The following CHMP3 variants were observed in gnomAD, a reference collection of about 807,000 sequenced individuals.
CHMP3 encodes the protein 25.1 protein.
Under a neutral mutation model 27.4 loss-of-function variants are expected in CHMP3, and 8 were observed. That is an observed-to-expected ratio of 0.29 (90% confidence interval 0.17 to 0.53). The LOEUF is 0.53. Among genes scored for constraint, CHMP3 ranks in the 20% least tolerant of loss-of-function variants. CHMP3 has a pLI of 0.96. For missense variants in CHMP3, 208 were observed against 271.5 expected, an observed-to-expected ratio of 0.77 and a Z score of 1.64; for synonymous variants, 86 against 85.5, an observed-to-expected ratio of 1.01 and a Z score of -0.03.
At position 86,551,128 on chromosome 2, in the gene CHMP3, ATCT is replaced by A. The variant is rs574373554; in HGVS notation, c.46-8819_46-8817del. Among the ~76,000 whole-genome samples, 4 of 152,278 alleles carry A rather than the reference ATCT, an allele frequency of 2.6e-5. No homozygotes were observed. The South Asian group carries it at 8.3e-4, about 32-fold the overall frequency. On this transcript the variant is annotated intron_variant, in intron 1 of 5. Coordinates refer to ENST00000263856, the MANE Select transcript of CHMP3 (RefSeq NM_016079.4). ...TGTCCTGGCAATTGGTTCTTAACTAATCTTAATTAATCCTATCAGGGGATAGAG... is the reference window on the plus strand; with the variant it reads ...TGTCCTGGCAATTGGTTCTTAACTAATAATTAATCCTATCAGGGGATAGAG...
chr2:86,542,115 AAATC>A (rs1676382966), intron 2 of CHMP3, 133 bp downstream of exon 2: 2 of 891,302 alleles, frequency 2.2e-6, no homozygotes, highest in African/African-American at 1.7e-5. Flanking sequence ...TTAAAAAGCA[AAATC>A]AGTCAGACAG....
At chr2:86,518,222 T>C (rs1675389659) in intron 3 of CHMP3, among the ~76,000 whole-genome samples, 1 of 152,116 alleles carries the variant, frequency 6.6e-6, no homozygotes, top group Admixed American at 6.5e-5. Context: ...TAAGACAACT[T>C]TTCCTTGAAA....
Position 86,505,647 on chromosome 2 carries a change from A to G in CHMP3, c.*157T>C. The G allele has an allele frequency of 1.0e-6, 1 of 990,274 alleles. No homozygotes were observed. Among genetic ancestry groups the G allele is most frequent in the Non-Finnish European group, 1.4e-6 (1 of 732,686 alleles). The allele number at this position is 990,274 out of a possible 1,614,324, so 61.3% of individuals were successfully genotyped here. A position where few individuals can be genotyped will look rare whatever the true frequency, so the allele number is the denominator to read the frequency against. The stretch of plus-strand genomic sequence containing the variant: ...TATTTATGCCACTTTTATAAGAACA[A>G]TCCCTTTGCGATCCCAAAACCTGGG... On this transcript the variant is annotated 3_prime_UTR_variant, in exon 6 of 6. Coordinates refer to ENST00000263856, the MANE Select transcript of CHMP3 (RefSeq NM_016079.4).
intron 1 of CHMP3, 83 bp from the exon 2 acceptor site, chr2:86,542,395 A>G: frequency 7.9e-7 from 1 of 1,272,538 alleles, no homozygotes; most frequent in Non-Finnish European, 1.1e-6. Flanking sequence ...TATTAACTCC[A>G]CATTTATTAC....
intron 1 of CHMP3, among the ~76,000 whole-genome samples, chr2:86,544,473 T>C (rs1463742521): frequency 6.6e-6 from 1 of 152,046 alleles, no homozygotes; most frequent in East Asian, 1.9e-4. Flanking sequence ...CTGGTTTTCC[T>C]AGGCAGAGGT....
chr2:86,531,989 A>C (rs1010678076), intron 2 of CHMP3, among the ~76,000 whole-genome samples: 6 of 152,234 alleles, frequency 3.9e-5, no homozygotes, highest in Admixed American at 6.5e-5. Flanking sequence ...TCTACAAAAA[A>C]TGTCATTGGG....
intron 3 of CHMP3, chr2:86,510,714 C>A: frequency 2.3e-6 from 1 of 443,626 alleles, no homozygotes. Flanking sequence ...CATGACCAAT[C>A]TGGAGAGTGG....
At chr2:86,521,658 T>C (rs1019613503) in intron 3 of CHMP3, among the ~76,000 whole-genome samples, 3 of 152,196 alleles carry the variant, frequency 2.0e-5, no homozygotes, top group African/African-American at 7.2e-5. Context: ...TCAAGGTACA[T>C]CATATAAGTG....
chr2:86,530,304 A>G (rs927826111), intron 2 of CHMP3, among the ~76,000 whole-genome samples: 1 of 152,054 alleles, frequency 6.6e-6, no homozygotes, highest in Non-Finnish European at 1.5e-5. Context: ...AGAACTCTTC[A>G]TCTTTCCCAA....
At chr2:86,522,704 C>A (rs1045050770) in intron 3 of CHMP3, among the ~76,000 whole-genome samples, 5 of 152,178 alleles carry the variant, frequency 3.3e-5, no homozygotes, top group Non-Finnish European at 7.4e-5. Flanking sequence ...CTATTCCATT[C>A]CCCTACTCCA....
At chr2:86,556,025 C>T (rs758325828) in intron 1 of CHMP3, among the ~76,000 whole-genome samples, 10 of 151,746 alleles carry the variant, frequency 6.6e-5, no homozygotes, top group African/African-American at 1.9e-4. Context: ...TATTTAAGAG[C>T]GAAATTAAAG....
intron 2 of CHMP3, among the ~76,000 whole-genome samples, chr2:86,532,845 T>C: frequency 6.6e-6 from 1 of 152,234 alleles, no homozygotes; most frequent in East Asian, 1.9e-4. Flanking sequence ...TAGTATTCTG[T>C]TGAAGATTTT....
chr2:86,541,750 C>T (rs912028736), intron 2 of CHMP3, among the ~76,000 whole-genome samples: 4 of 152,096 alleles, frequency 2.6e-5, no homozygotes, highest in African/African-American at 9.7e-5. Context: ...GAATTTCCCT[C>T]TCCAATTCTT....
chr2:86,504,167 T>C lies in CHMP3; in HGVS notation c.*1637A>G, dbSNP rs1137684. On this transcript the variant is annotated 3_prime_UTR_variant, in exon 6 of 6. Transcript: ENST00000263856. ...GCAGTGAAACTATTCTGTATGATTCTATAATTGTAGATATCATCATACATT... is the reference window on the plus strand; with the variant it reads ...GCAGTGAAACTATTCTGTATGATTCCATAATTGTAGATATCATCATACATT... The C allele has an allele frequency of 0.39, 59,573 of 152,106 alleles. 13,661 individuals carry two copies. The highest frequency in any genetic ancestry group is 0.75 in the East Asian group (3,862 of 5,168). The allele number at this position is 152,106 out of a possible 1,614,324, so 9.4% of individuals were successfully genotyped here. A position where few individuals can be genotyped will look rare whatever the true frequency, so the allele number is the denominator to read the frequency against.
intron 3 of CHMP3, among the ~76,000 whole-genome samples, chr2:86,523,859 T>C (rs533682777): frequency 5.3e-5 from 8 of 152,318 alleles, no homozygotes; most frequent in African/African-American, 1.9e-4. Flanking sequence ...AAGAATGGAA[T>C]GATTTTTTAA....
chr2:86,510,678 T>G, intron 3 of CHMP3, 199 bp from the exon 4 acceptor site: 1 of 693,478 alleles, frequency 1.4e-6, no homozygotes, highest in African/African-American at 1.8e-5. Context: ...TTACTACTGA[T>G]GTGAATTCAA....
intron 1 of CHMP3, chr2:86,562,846 G>A (rs752631329): frequency 7.6e-5 from 12 of 157,012 alleles, no homozygotes; most frequent in Non-Finnish European, 1.7e-4. Flanking sequence ...AACACAACAG[G>A]GAGGACGGAG....
At chr2:86,545,969 G>C (rs1285422505) in intron 1 of CHMP3, among the ~76,000 whole-genome samples, 2 of 152,224 alleles carry the variant, frequency 1.3e-5, no homozygotes, top group Non-Finnish European at 2.9e-5. Context: ...GTGGTGGCTG[G>C]GCAGAGGCTG....
chr2:86,536,650 C>T (rs540389914), intron 2 of CHMP3, among the ~76,000 whole-genome samples: 1 of 152,312 alleles, frequency 6.6e-6, no homozygotes, highest in East Asian at 1.9e-4. Context: ...TGGCTTTCTA[C>T]AGTTTGATTA....
Sources: gnomAD v4.1 joint callset for allele counts (sites outside exome capture counted in the v4.1 genomes callset) on GRCh38, gnomAD v4.1.1 for gene constraint, MANE v1.5 for transcripts, NCBI Gene and HGNC (gene_info 2026-07-23, HGNC 2026-07-21) for gene names.